The following EPHB1 variants were observed in gnomAD, a reference collection of about 807,000 sequenced individuals.
EPHB1 encodes the protein ephrin type-B receptor 1.
EPHB1 carries 30 observed loss-of-function variants against 94.4 expected under a neutral mutation model. That is an observed-to-expected ratio of 0.32 (90% confidence interval 0.24 to 0.43). EPHB1 has a LOEUF of 0.43. Ranked by LOEUF, EPHB1 falls within the 20% of genes least tolerant of loss-of-function variation. The pLI is 1.00. For synonymous variants in EPHB1, 522 were observed against 489.1 expected, an observed-to-expected ratio of 1.07 and a Z score of -0.89; for missense variants, 1,055 against 1,308.3, an observed-to-expected ratio of 0.81 and a Z score of 2.99.
rs777463411 is a variant in EPHB1, at chr3:134,951,341, A to G, written c.124-30A>G. 1.3e-6 allele frequency: 2 copies of G among 1,508,200 alleles called. No individual in the cohort carries two copies. Among genetic ancestry groups the G allele is most frequent in the South Asian group, 1.4e-5 (1 of 73,386 alleles). The allele number at this position is 1,508,200 out of a possible 1,614,324, so 93.4% of individuals were successfully genotyped here. On this transcript the variant is annotated intron_variant, in intron 2 of 15. Coordinates refer to ENST00000398015, the MANE Select transcript of EPHB1 (RefSeq NM_004441.5). This position sits in a 1 kb window ranked among gnomAD's most constrained non-coding sequence, Gnocchi z 4.5. ...CTCACTCTCTATTTTGTGTTTTTGCATGTGTGTGCCTGTGGCCTGCTATGT... is the reference window on the plus strand; with the variant it reads ...CTCACTCTCTATTTTGTGTTTTTGCGTGTGTGTGCCTGTGGCCTGCTATGT...
intron 1 of EPHB1, among the ~76,000 whole-genome samples, chr3:134,909,031 G>A (rs370965971): frequency 6.7e-5 from 10 of 148,360 alleles, no homozygotes; most frequent in African/African-American, 2.0e-4. Flanking sequence ...CCACTTTTTC[G>A]CTGGGCTGAT....
intron 11 of EPHB1, among the ~76,000 whole-genome samples, chr3:135,196,700 A>G (rs746746573): frequency 6.6e-6 from 1 of 152,116 alleles, no homozygotes; most frequent in Non-Finnish European, 1.5e-5. Context: ...TTAGTCTTCA[A>G]TTTCTGGAAC....
At chr3:134,997,851 A>T (rs1017053671) in intron 3 of EPHB1, among the ~76,000 whole-genome samples, 3 of 152,218 alleles carry the variant, frequency 2.0e-5, no homozygotes, top group Admixed American at 2.0e-4. Flanking sequence ...CTCACACAGT[A>T]GAATGGTGTT....
intron 1 of EPHB1, among the ~76,000 whole-genome samples, chr3:134,800,410 G>C (rs149646056): frequency 0.012 from 1,867 of 152,242 alleles, 28 homozygotes; most frequent in Non-Finnish European, 0.015. Context: ...TTCTAGCATG[G>C]GCAAAAGGTA....
At chr3:134,972,488 A>G (rs1934012885) in intron 3 of EPHB1, among the ~76,000 whole-genome samples, 1 of 49,822 alleles carries the variant, frequency 2.0e-5, no homozygotes, top group South Asian at 6.4e-4. Flanking sequence ...TATACTATAC[A>G]TTATATATTT....
At chr3:134,840,164 C>G (rs1053070772) in intron 1 of EPHB1, among the ~76,000 whole-genome samples, 4 of 152,232 alleles carry the variant, frequency 2.6e-5, no homozygotes, top group African/African-American at 9.6e-5. Context: ...CACTATGGCA[C>G]AGGGCCCAGG....
At position 134,846,268 on chromosome 3, in the gene EPHB1, C is replaced by T. The variant is rs528277610; in HGVS notation, c.58+50579C>T. Reference sequence around the variant, plus strand: ...AGACCCATTTTAGAAGTTGAGTGCTCGGTGTTGTGGCCGAACAGAAGCCAA... The same window carrying T: ...AGACCCATTTTAGAAGTTGAGTGCTTGGTGTTGTGGCCGAACAGAAGCCAA... On this transcript the variant is annotated intron_variant, in intron 1 of 15. Coordinates refer to ENST00000398015, the MANE Select transcript of EPHB1 (RefSeq NM_004441.5). Among the ~76,000 whole-genome samples the T allele has an allele frequency of 8.5e-5, 13 of 152,282 alleles. No homozygotes were observed. The East Asian group carries it at 1.7e-3, about 20-fold the overall frequency.
chr3:135,158,426 C>G (rs1399805771), intron 6 of EPHB1, among the ~76,000 whole-genome samples: 1 of 152,158 alleles, frequency 6.6e-6, no homozygotes, highest in Non-Finnish European at 1.5e-5. Flanking sequence ...GGGAAAGTAG[C>G]CATAGGCAAT....
At chr3:134,928,009 A>G (rs952426508) in intron 2 of EPHB1, among the ~76,000 whole-genome samples, 6 of 152,146 alleles carry the variant, frequency 3.9e-5, no homozygotes, top group Non-Finnish European at 7.3e-5. Context: ...GTACCCTCCA[A>G]TTCTGTGAAC....
At chr3:135,244,942 C>T (rs958834578) in intron 13 of EPHB1, among the ~76,000 whole-genome samples, 1 of 152,094 alleles carries the variant, frequency 6.6e-6, no homozygotes, top group Non-Finnish European at 1.5e-5. Context: ...ATTATCAGCT[C>T]AAGTAATAAC....
chr3:134,822,862 C>A (rs531487270), intron 1 of EPHB1, among the ~76,000 whole-genome samples: 53 of 152,298 alleles, frequency 3.5e-4, no homozygotes, highest in Non-Finnish European at 5.6e-4. Flanking sequence ...TTTGGCTTGG[C>A]ATAAACGAAC....
chr3:135,104,013 A>G, intron 3 of EPHB1, among the ~76,000 whole-genome samples: 1 of 152,252 alleles, frequency 6.6e-6, no homozygotes, highest in East Asian at 1.9e-4. Flanking sequence ...GCTGGAAAGA[A>G]AGGGAAAACA....
Position 134,826,421 on chromosome 3 carries a change from G to A in EPHB1, c.58+30732G>A, listed in dbSNP as rs906491822. Among the ~76,000 whole-genome samples the A allele has an allele frequency of 4.6e-5, 7 of 152,068 alleles. No individual in the cohort carries two copies. The East Asian group carries it at 1.2e-3, about 25-fold the overall frequency. ...CCCATCATCATATGGGGGAAGATAC[G>A]GGCCTCTCCTTAGCAGTTCTGCTTT... On this transcript the variant is annotated intron_variant, in intron 1 of 15. Coordinates refer to ENST00000398015, the MANE Select transcript of EPHB1 (RefSeq NM_004441.5).
Position 135,241,393 on chromosome 3 carries a change from C to T in EPHB1, c.2496+96C>T, listed in dbSNP as rs1310477830. On this transcript the variant is annotated intron_variant, in intron 13 of 15. Coordinates refer to ENST00000398015, the MANE Select transcript of EPHB1 (RefSeq NM_004441.5). The stretch of plus-strand genomic sequence containing the variant: ...TCCTCCTGTTTTCAGCTCACGGCCT[C>T]ATAATCTGAACCTGCAGTGTTCAGG... 34 of 1,490,980 alleles carry T rather than the reference C, an allele frequency of 2.3e-5. No homozygotes were observed. The East Asian group carries it at 6.8e-4, about 30-fold the overall frequency. 92.4% of individuals were successfully genotyped at this position (1,490,980 alleles called of 1,614,324 possible). A position where few individuals can be genotyped will look rare whatever the true frequency, so the allele number is the denominator to read the frequency against.
chr3:135,049,906 T>A (rs1937119143), intron 3 of EPHB1, among the ~76,000 whole-genome samples: 1 of 152,166 alleles, frequency 6.6e-6, no homozygotes, highest in Non-Finnish European at 1.5e-5. Flanking sequence ...AAACATGAGA[T>A]AGGGCAAAAG....
chr3:135,000,366 A>G (rs1230966004), intron 3 of EPHB1, among the ~76,000 whole-genome samples: 1 of 152,226 alleles, frequency 6.6e-6, no homozygotes, highest in Non-Finnish European at 1.5e-5. Flanking sequence ...AATACAGGAA[A>G]CTGACAGAAA....
chr3:134,919,805 T>C (rs369384064), intron 1 of EPHB1, among the ~76,000 whole-genome samples: 1 of 152,150 alleles, frequency 6.6e-6, no homozygotes, highest in Admixed American at 6.5e-5. Context: ...ATTTAATATA[T>C]CCCACTCTTG....
intron 3 of EPHB1, among the ~76,000 whole-genome samples, chr3:135,043,362 G>A (rs1452771699): frequency 1.3e-5 from 2 of 152,044 alleles, no homozygotes; most frequent in Non-Finnish European, 2.9e-5. Flanking sequence ...CTGTTAGAAA[G>A]CCAGGTTCAG....
At chr3:135,251,210 A>ATGAC (rs1170036677) in intron 15 of EPHB1, among the ~76,000 whole-genome samples, 4 of 152,234 alleles carry the variant, frequency 2.6e-5, no homozygotes, top group Non-Finnish European at 4.4e-5. Context: ...TCCATTAAGA[A>ATGAC]TGACTGTCAA....
Sources: allele counts gnomAD v4.1 joint callset (sites outside exome capture counted in the v4.1 genomes callset), GRCh38; gene constraint gnomAD v4.1.1; non-coding constraint Gnocchi (gnomAD v3.1); transcripts MANE v1.5; gene names NCBI Gene and HGNC (gene_info 2026-07-23, HGNC 2026-07-21).